Variants in ESR1 observed in about 807,000 individuals in gnomAD.
ESR1 encodes estrogen receptor.
ESR1 carries 12 observed loss-of-function variants against 52.7 expected under a neutral mutation model. That is an observed-to-expected ratio of 0.23 (90% CI 0.15 to 0.37). The LOEUF is 0.37. Ranked by LOEUF, ESR1 falls within the 10% of genes least tolerant of loss-of-function variation. The pLI, the probability that ESR1 is intolerant of heterozygous loss-of-function variation, is 1.00. For synonymous variants in ESR1, 305 were observed against 316.8 expected, an observed-to-expected ratio of 0.96 and a Z score of 0.39; for missense variants, 584 against 779.7, an observed-to-expected ratio of 0.75 and a Z score of 2.99.
At chr6:152,017,661 G>A (rs1177893143) in intron 5 of ESR1, among the ~76,000 whole-genome samples, 1 of 151,942 alleles carries the variant, frequency 6.6e-6, no homozygotes. Flanking sequence ...ATTTAGTCCT[G>A]CTTGAGTGCT....
intron 6 of ESR1, among the ~76,000 whole-genome samples, chr6:152,111,308 G>A (rs1018847541): frequency 3.9e-5 from 6 of 152,236 alleles, no homozygotes; most frequent in Non-Finnish European, 7.3e-5. Flanking sequence ...TCGAAAGTGG[G>A]TGGGCTGACC....
At chr6:151,743,064 C>G (rs1999807) in intron 2 of ESR1, among the ~76,000 whole-genome samples, 89,511 of 152,022 alleles carry the variant, frequency 0.59, 27,110 homozygotes, top group African/African-American at 0.68. Flanking sequence ...ATCTGGACGT[C>G]GGTCCAAAAC....
intron 3 of ESR1, among the ~76,000 whole-genome samples, chr6:151,898,384 A>ATTTTTTTTTTTTTTTTTTTT (rs371510396): frequency 2.0e-5 from 2 of 101,218 alleles, no homozygotes; most frequent in Non-Finnish European, 4.3e-5. Context: ...GGTTTTGTTC[A>ATTTTTTTTTTTTTTTTTTTT]TTTTTTTTTT....
rs375673688 is a variant in ESR1, at chr6:152,038,240, G to A, written c.1236-22751G>A. Among the ~76,000 whole-genome samples the A allele has an allele frequency of 9.3e-4, 142 of 152,304 alleles. 2 individuals carry two copies. The South Asian group carries it at 0.027, about 29-fold the overall frequency. ...AAGACAGCCAGTCTAGTCCTTCCACGTTCCTCTGCCTGCTTTTATCCTAGC... is the reference window on the plus strand; with the variant it reads ...AAGACAGCCAGTCTAGTCCTTCCACATTCCTCTGCCTGCTTTTATCCTAGC... On this transcript the variant is annotated intron_variant, in intron 5 of 7. Transcript: ENST00000206249.
At chr6:151,946,396 A>G (rs2035706584) in intron 4 of ESR1, among the ~76,000 whole-genome samples, 1 of 152,230 alleles carries the variant, frequency 6.6e-6, no homozygotes, top group Admixed American at 6.5e-5. Context: ...AACTGGAATT[A>G]AGCTCAAATA....
chr6:151,890,171 G>A (rs1309085145), intron 3 of ESR1, among the ~76,000 whole-genome samples: 2 of 150,866 alleles, frequency 1.3e-5, no homozygotes, highest in African/African-American at 2.4e-5. Flanking sequence ...TGCAACCTCC[G>A]CCTCCTGGGT....
At chr6:151,969,757 G>T (rs554091978) in intron 4 of ESR1, among the ~76,000 whole-genome samples, 1 of 152,158 alleles carries the variant, frequency 6.6e-6, no homozygotes, top group African/African-American at 2.4e-5. Flanking sequence ...CACCTTAGAC[G>T]TTTTTTCATT....
intron 2 of ESR1, among the ~76,000 whole-genome samples, chr6:151,769,146 C>T (rs1371100923): frequency 6.6e-6 from 1 of 152,150 alleles, no homozygotes; most frequent in Non-Finnish European, 1.5e-5. Context: ...AATTGTCAGT[C>T]GTTTCACCAA....
chr6:151,947,507 C>T (rs1198658610), intron 4 of ESR1, among the ~76,000 whole-genome samples: 2 of 152,120 alleles, frequency 1.3e-5, no homozygotes, highest in African/African-American at 4.8e-5. Flanking sequence ...GAATTTTTAA[C>T]AAAAATAGTC....
At chr6:151,910,091 A>G (rs945199356) in intron 3 of ESR1, among the ~76,000 whole-genome samples, 3 of 151,698 alleles carry the variant, frequency 2.0e-5, no homozygotes, top group East Asian at 3.9e-4. Flanking sequence ...AGAAGGATAT[A>G]CTATGTATCT....
At chr6:152,004,987 C>T (rs1358587130) in intron 4 of ESR1, among the ~76,000 whole-genome samples, 3 of 151,688 alleles carry the variant, frequency 2.0e-5, no homozygotes, top group Non-Finnish European at 4.4e-5. Context: ...TTTTTTCTTA[C>T]CACTGGTTTT....
intron 3 of ESR1, among the ~76,000 whole-genome samples, chr6:151,930,657 T>G (rs542769362): frequency 6.6e-6 from 1 of 152,332 alleles, no homozygotes; most frequent in Admixed American, 6.5e-5. Context: ...GATCCAAGTT[T>G]CTGACTTATA....
intron 3 of ESR1, among the ~76,000 whole-genome samples, chr6:151,898,716 G>A (rs1266858351): frequency 2.0e-5 from 3 of 152,116 alleles, no homozygotes; most frequent in Non-Finnish European, 4.4e-5. Flanking sequence ...AGGGTTGGGG[G>A]TAAGGTCACA....
intron 1 of ESR1, among the ~76,000 whole-genome samples, chr6:151,681,349 G>T (rs967146162): frequency 1.3e-5 from 2 of 151,982 alleles, no homozygotes; most frequent in Non-Finnish European, 2.9e-5. Context: ...GAGACTCTGA[G>T]ATGACTGATG....
chr6:151,928,720 A>G (rs886707632), intron 3 of ESR1, among the ~76,000 whole-genome samples: 1 of 152,048 alleles, frequency 6.6e-6, no homozygotes, highest in African/African-American at 2.4e-5. Flanking sequence ...TTCTCTAAGC[A>G]CTGCTTTTCC....
rs1554231683 is a variant in ESR1, at chr6:151,669,147, G to GGGGAGAGA, written n.73+12385_73+12386insGGAGAGAG. ...GTGGTAGGAAGCTCTTTGGGAGCTG[G>GGGGAGAGA]GAGAGAGAGAGAGAGAGAGAGAGAG... On this transcript the variant is annotated intron_variant and non_coding_transcript_variant, in intron 1 of 2. Transcript: ENST00000473497. Among the ~76,000 whole-genome samples, 142 of 69,312 alleles carry GGGGAGAGA rather than the reference G, an allele frequency of 2.0e-3. 3 individuals are homozygous for GGGGAGAGA. The highest frequency in any genetic ancestry group is 0.011 in the African/African-American group (137 of 11,984). The allele number at this position is 69,312 out of a possible 152,430, so 45.5% of individuals were successfully genotyped here.
At chr6:151,760,780 C>T (rs1054445570) in intron 2 of ESR1, among the ~76,000 whole-genome samples, 1 of 152,160 alleles carries the variant, frequency 6.6e-6, no homozygotes, top group Non-Finnish European at 1.5e-5. Flanking sequence ...TAGATGGAGG[C>T]TATGTGTGAA....
chr6:151,927,542 T>G (rs9340893), intron 3 of ESR1, among the ~76,000 whole-genome samples: 4,559 of 152,272 alleles, frequency 0.03, 113 homozygotes, highest in Non-Finnish European at 0.048. Context: ...GGCTATTTAT[T>G]TCTCCATGTG....
chr6:151,666,424 G>A (rs1777824345), intron 1 of ESR1, among the ~76,000 whole-genome samples: 1 of 152,116 alleles, frequency 6.6e-6, no homozygotes. Flanking sequence ...TGGTAGAAGG[G>A]CCACCCAAGG....
Sources: allele counts gnomAD v4.1 joint callset (sites outside exome capture counted in the v4.1 genomes callset), GRCh38; gene constraint gnomAD v4.1.1; transcripts MANE v1.5; gene names NCBI Gene and HGNC (gene_info 2026-07-23, HGNC 2026-07-21).